MRPL21: variants seen among roughly 807,000 people sequenced by gnomAD.
MRPL21 encodes the protein large ribosomal subunit protein bL21m.
Under a neutral mutation model 27.3 loss-of-function variants are expected in MRPL21, and 20 were observed. The observed-to-expected ratio is 0.73, with a 90% CI of 0.52 to 1.06. The LOEUF (loss-of-function observed/expected upper bound fraction) is 1.06, where lower values mean the gene tolerates loss of function less well. Ranked by LOEUF, MRPL21 falls within the 50% of genes least tolerant of loss-of-function variation. The pLI, the probability that MRPL21 is intolerant of heterozygous loss-of-function variation, is 0.00. For synonymous variants in MRPL21, 98 were observed against 101.5 expected (o/e 0.97, Z 0.21); for missense variants, 249 against 251.4 (o/e 0.99, Z 0.06).
At chr11:68,902,936 A>G (rs533244025) in intron 1 of MRPL21, among the ~76,000 whole-genome samples, 2 of 152,204 alleles carry the variant, frequency 1.3e-5, no homozygotes, top group South Asian at 4.2e-4. Context: ...ACTTAGTAAC[A>G]TGTATGTAAG....
intron 4 of MRPL21, among the ~76,000 whole-genome samples, chr11:68,895,232 C>T (rs1173564949): frequency 2.0e-5 from 3 of 151,928 alleles, no homozygotes; most frequent in Non-Finnish European, 4.4e-5. Flanking sequence ...CCACTGTACT[C>T]CAGCCTGGAC....
intron 6 of MRPL21, 61 bp downstream of exon 6, chr11:68,892,829 C>T (rs767022201): frequency 1.6e-5 from 26 of 1,579,432 alleles, no homozygotes; most frequent in East Asian, 1.6e-4. Flanking sequence ...ACCCTCCGTC[C>T]GCATGCGCCT....
intron 4 of MRPL21, among the ~76,000 whole-genome samples, chr11:68,894,129 A>G (rs1030618878): frequency 6.6e-6 from 1 of 152,232 alleles, no homozygotes; most frequent in Non-Finnish European, 1.5e-5. Context: ...CGCAGTTTAC[A>G]GTTCTACTAA....
intron 2 of MRPL21, 111 bp from the exon 3 acceptor site, chr11:68,898,123 G>A (rs1258306951): frequency 1.3e-5 from 12 of 898,466 alleles, no homozygotes; most frequent in Non-Finnish European, 2.2e-5. Context: ...GCAACAAAAG[G>A]CTCGCTCTTT....
rs545130606 is a variant in MRPL21, at chr11:68,892,108, G to A, written c.554-713C>T. 7 of 1,235,706 alleles carry A rather than the reference G, an allele frequency of 5.7e-6. No homozygotes were observed. The Admixed American group carries it at 1.2e-4, about 21-fold the overall frequency. The allele number at this position is 1,235,706 out of a possible 1,614,324, so 76.5% of individuals were successfully genotyped here. On this transcript the variant is annotated intron_variant, in intron 6 of 6. Coordinates refer to ENST00000362034, the MANE Select transcript of MRPL21 (RefSeq NM_181514.2). ...GTCACGCGTGGAGGGTGGAGAAGGGGAGCGAGGTGGGTTCACGCGCGGAGG... is the reference window on the plus strand; with the variant it reads ...GTCACGCGTGGAGGGTGGAGAAGGGAAGCGAGGTGGGTTCACGCGCGGAGG...
intron 4 of MRPL21, 142 bp downstream of exon 4, chr11:68,896,373 A>G (rs1453889625): frequency 3.4e-5 from 38 of 1,126,076 alleles, no homozygotes; most frequent in Non-Finnish European, 4.0e-5. Flanking sequence ...GCGCCCCCCA[A>G]AGTCCCTTCT....
chr11:68,892,673 G>C, intron 6 of MRPL21: 1 of 1,496,322 alleles, frequency 6.7e-7, no homozygotes, highest in Non-Finnish European at 8.9e-7. Flanking sequence ...AGGGGAGCGA[G>C]GTGGGGTCAC....
Position 68,893,457 on chromosome 11 carries a change from T to G in MRPL21, c.397-2A>C, listed in dbSNP as rs777261711. 4.3e-6 allele frequency: 7 copies of G among 1,614,070 alleles called. No individual in the cohort carries two copies. The Admixed American group carries it at 1.2e-4, about 27-fold the overall frequency. On this transcript the variant is annotated splice_acceptor_variant, in intron 4 of 6. Coordinates refer to ENST00000362034, the MANE Select transcript of MRPL21 (RefSeq NM_181514.2). LOFTEE classifies it high-confidence loss of function. ...GTTGTCTGCCCCAACCAGCAGGACC[T>G]GAAAAATTCAACAGGTGTGTTTCAT...
chr11:68,894,151 T>C (rs1857725882), intron 4 of MRPL21, among the ~76,000 whole-genome samples: 1 of 152,254 alleles, frequency 6.6e-6, no homozygotes, highest in Non-Finnish European at 1.5e-5. Flanking sequence ...ATTGCAATGA[T>C]TGAGGCTCTC....
intron 1 of MRPL21, among the ~76,000 whole-genome samples, chr11:68,901,075 G>T (rs1215759431): frequency 6.6e-6 from 1 of 152,192 alleles, no homozygotes; most frequent in African/African-American, 2.4e-5. Flanking sequence ...GGATGCCTGT[G>T]CTCACCCTTT....
intron 3 of MRPL21, 160 bp downstream of exon 3, chr11:68,897,767 G>A: frequency 1.6e-6 from 1 of 607,222 alleles, no homozygotes; most frequent in Non-Finnish European, 3.0e-6. Context: ...AAATTCTGGT[G>A]TTAACTGGTG....
chr11:68,900,496 G>A (rs1821014420), intron 2 of MRPL21, 52 bp downstream of exon 2: 3 of 1,499,876 alleles, frequency 2.0e-6, no homozygotes, highest in Non-Finnish European at 2.8e-6. Flanking sequence ...TTAGAAAGAT[G>A]GTTCTACAAA....
intron 3 of MRPL21, 88 bp from the exon 4 acceptor site, chr11:68,896,766 C>A: frequency 6.4e-7 from 1 of 1,553,608 alleles, no homozygotes; most frequent in Non-Finnish European, 8.8e-7. Flanking sequence ...GTGGTGGGGC[C>A]CTAGGGTGGA....
intron 3 of MRPL21, among the ~76,000 whole-genome samples, chr11:68,897,004 T>C (rs1165115462): frequency 2.0e-5 from 3 of 152,182 alleles, no homozygotes; most frequent in Non-Finnish European, 4.4e-5. Context: ...GCTAGGTTTC[T>C]ACAACTCTAG....
At chr11:68,891,623 G>A (rs1857649127) in intron 6 of MRPL21, 2 of 589,826 alleles carry the variant, frequency 3.4e-6, no homozygotes, top group Non-Finnish European at 6.1e-6. Context: ...GGCCAGGAGT[G>A]CCCTGCGCTG....
At chr11:68,900,482 G>A in intron 2 of MRPL21, 66 bp downstream of exon 2, 1 of 1,420,938 alleles carries the variant, frequency 7.0e-7, no homozygotes, top group African/African-American at 1.4e-5. Flanking sequence ...AGGAAGTTTT[G>A]ACTTTAGAAA....
At chr11:68,893,256 G>A (rs1296986246) in intron 5 of MRPL21, 147 bp downstream of exon 5, 2 of 1,467,896 alleles carry the variant, frequency 1.4e-6, no homozygotes, top group African/African-American at 1.4e-5. Context: ...GGCCCTAAAT[G>A]TCCACTATTA....
At chr11:68,894,226 C>T (rs1857728245) in intron 4 of MRPL21, among the ~76,000 whole-genome samples, 1 of 152,148 alleles carries the variant, frequency 6.6e-6, no homozygotes, top group African/African-American at 2.4e-5. Flanking sequence ...GCCGGGAAAT[C>T]ACGACACCAA....
chr11:68,896,356 G>A (rs1036527498), intron 4 of MRPL21, 159 bp downstream of exon 4: 4 of 909,772 alleles, frequency 4.4e-6, no homozygotes, highest in South Asian at 1.6e-5. Context: ...CCCCAGCCCC[G>A]CCGTGGGCGC....
Sources: gnomAD v4.1 joint callset for allele counts (sites outside exome capture counted in the v4.1 genomes callset) on GRCh38, gnomAD v4.1.1 for gene constraint, MANE v1.5 for transcripts, NCBI Gene and HGNC (gene_info 2026-07-23, HGNC 2026-07-21) for gene names.